Variants in PPFIBP2 observed in about 807,000 individuals in gnomAD.
PPFIBP2 encodes liprin-beta-2.
A neutral mutation model predicts 118.3 loss-of-function variants in PPFIBP2; 118 were observed. The observed-to-expected ratio is 1.00, with a 90% CI of 0.86 to 1.16. The LOEUF (loss-of-function observed/expected upper bound fraction) is 1.16. Among genes scored for constraint, PPFIBP2 ranks in the 50% most tolerant of loss-of-function variants. PPFIBP2 has a pLI of 0.00. For missense variants in PPFIBP2, 1,195 were observed against 1,073.1 expected, an observed-to-expected ratio of 1.11 and a Z score of -1.59; for synonymous variants, 414 against 397.4, an observed-to-expected ratio of 1.04 and a Z score of -0.50.
chr11:7,653,880 C>T, downstream of PPFIBP2: 1 of 987,604 alleles, frequency 1.0e-6, no homozygotes, highest in Non-Finnish European at 1.3e-6. Context: ...CAGCCAGGTG[C>T]ATGCTCAGGA....
rs763077859 is a variant in PPFIBP2, at chr11:7,642,286, T to C, written c.1518-12T>C. 6.2e-7 allele frequency: 1 copy of C among 1,613,738 alleles called. No homozygotes were observed. Among genetic ancestry groups the C allele is most frequent in the Non-Finnish European group, 8.5e-7 (1 of 1,179,868 alleles). ...ATTCCATGACCGTCTCCATGGATTCTTCTCCATGCAGAATCCGAAGAACTC... is the reference window on the plus strand; with the variant it reads ...ATTCCATGACCGTCTCCATGGATTCCTCTCCATGCAGAATCCGAAGAACTC... On this transcript the variant is annotated splice_polypyrimidine_tract_variant and intron_variant, in intron 16 of 23. Coordinates refer to ENST00000299492, the MANE Select transcript of PPFIBP2 (RefSeq NM_003621.5).
At chr11:7,657,735 C>A (rs1000367284), downstream of PPFIBP2, among the ~76,000 whole-genome samples, 1 of 152,204 alleles carries the variant, frequency 6.6e-6, no homozygotes, top group Admixed American at 6.5e-5. Context: ...TCTCAAGGCA[C>A]GGCAAAGAGA....
chr11:7,665,260 G>A, the PPFIBP2 span: 28 of 911,866 alleles, frequency 3.1e-5, no homozygotes, highest in South Asian at 1.1e-4. Context: ...CAGTGTGTGC[G>A]CGAAGGTACA....
Position 7,648,786 on chromosome 11 carries a change from T to C in PPFIBP2, c.1798-14T>C, listed in dbSNP as rs1853530836. Reference sequence around the variant, plus strand: ...GCCAAAATTTCACATGTGGTCTTCATCTTTTAATTTCAGGAGCTAGGAATT... The same window carrying C: ...GCCAAAATTTCACATGTGGTCTTCACCTTTTAATTTCAGGAGCTAGGAATT... On this transcript the variant is annotated splice_polypyrimidine_tract_variant and intron_variant, in intron 18 of 23. Transcript: ENST00000299492. 1.2e-6 allele frequency: 2 copies of C among 1,611,640 alleles called. No homozygotes were observed. Among genetic ancestry groups the C allele is most frequent in the East Asian group, 2.2e-5 (1 of 44,886 alleles).
At chr11:7,629,310 C>T in intron 9 of PPFIBP2, 149 bp from the exon 10 acceptor site, 2 of 728,312 alleles carry the variant, frequency 2.7e-6, no homozygotes, top group Non-Finnish European at 4.7e-6. Flanking sequence ...GAAATCCCAG[C>T]TCTGTGGAAT....
intron 14 of PPFIBP2, among the ~76,000 whole-genome samples, chr11:7,635,809 T>A (rs1216471286): frequency 6.6e-6 from 1 of 152,232 alleles, no homozygotes; most frequent in Non-Finnish European, 1.5e-5. Flanking sequence ...CAGGATTTAT[T>A]ATTATCACCT....
rs1853521477 is a variant in PPFIBP2, at chr11:7,648,741, C to T, written c.1798-59C>T. On this transcript the variant is annotated intron_variant, in intron 18 of 23. Coordinates refer to ENST00000299492, the MANE Select transcript of PPFIBP2 (RefSeq NM_003621.5). Reference sequence around the variant, plus strand: ...AGCATCTCCACCCAGACACAGCTTTCTCTGAGGGCCAAATTGCCTGCCAAA... The same window carrying T: ...AGCATCTCCACCCAGACACAGCTTTTTCTGAGGGCCAAATTGCCTGCCAAA... 5 of 1,546,142 alleles carry T rather than the reference C, an allele frequency of 3.2e-6. No homozygotes were observed. The South Asian group carries it at 5.6e-5, about 17-fold the overall frequency.
intron 2 of PPFIBP2, among the ~76,000 whole-genome samples, chr11:7,559,896 C>T (rs1854101568): frequency 6.6e-6 from 1 of 152,126 alleles, no homozygotes; most frequent in Non-Finnish European, 1.5e-5. Flanking sequence ...AAGGTTTTTA[C>T]TGTCTTTCAA....
intron 17 of PPFIBP2, among the ~76,000 whole-genome samples, chr11:7,645,039 A>C (rs1251190368): frequency 7.4e-6 from 1 of 134,954 alleles, no homozygotes; most frequent in Non-Finnish European, 1.6e-5. Context: ...AAAAAAAAAA[A>C]AAAAAAAAAA....
intron 6 of PPFIBP2, among the ~76,000 whole-genome samples, chr11:7,618,375 G>A (rs945687975): frequency 2.6e-5 from 4 of 152,180 alleles, no homozygotes; most frequent in African/African-American, 9.7e-5. Flanking sequence ...GAAGGAAGAG[G>A]ATGTTCCAGA....
chr11:7,662,731 C>T, the PPFIBP2 span, among the ~76,000 whole-genome samples: 1 of 150,966 alleles, frequency 6.6e-6, no homozygotes, highest in Non-Finnish European at 1.5e-5. Flanking sequence ...TGGATAATAT[C>T]CTGCAGAGTG....
chr11:7,639,450 T>C (rs891682280), intron 14 of PPFIBP2, among the ~76,000 whole-genome samples: 8 of 152,216 alleles, frequency 5.3e-5, no homozygotes, highest in Admixed American at 2.0e-4. Flanking sequence ...CAAAGGCCGC[T>C]TTGCAAGACA....
At chr11:7,663,607 CTG>C in the PPFIBP2 span, among the ~76,000 whole-genome samples, 3 of 152,240 alleles carry the variant, frequency 2.0e-5, no homozygotes, top group African/African-American at 7.2e-5. Context: ...TTTTGTTTGT[CTG>C]TTCCCTGCCC....
intron 2 of PPFIBP2, among the ~76,000 whole-genome samples, chr11:7,563,917 G>A (rs1297892210): frequency 6.6e-6 from 1 of 152,166 alleles, no homozygotes; most frequent in Non-Finnish European, 1.5e-5. Context: ...TGTAATCCCA[G>A]CACTTTGGTA....
chr11:7,648,613 T>A, intron 18 of PPFIBP2, 76 bp downstream of exon 18: 1 of 1,576,810 alleles, frequency 6.3e-7, no homozygotes, highest in Non-Finnish European at 8.7e-7. Flanking sequence ...GCCACTCCTG[T>A]CACACATACA....
At chr11:7,570,599 G>T (rs1225139420) in intron 3 of PPFIBP2, among the ~76,000 whole-genome samples, 1 of 152,230 alleles carries the variant, frequency 6.6e-6, no homozygotes, top group Non-Finnish European at 1.5e-5. Context: ...CAGAAGGGCT[G>T]TATGTACTCT....
intron 2 of PPFIBP2, among the ~76,000 whole-genome samples, chr11:7,552,890 T>G (rs1446872075): frequency 6.6e-6 from 1 of 152,338 alleles, no homozygotes; most frequent in Non-Finnish European, 1.5e-5. Context: ...TATACTTCTT[T>G]ATAGCACTTA....
At chr11:7,602,575 T>C (rs1350493461) in intron 5 of PPFIBP2, among the ~76,000 whole-genome samples, 1 of 152,192 alleles carries the variant, frequency 6.6e-6, no homozygotes, top group African/African-American at 2.4e-5. Flanking sequence ...GGTGGTCAAA[T>C]GGAGCATTTT....
At chr11:7,656,017 A>G (rs1442318383), downstream of PPFIBP2, among the ~76,000 whole-genome samples, 2 of 152,148 alleles carry the variant, frequency 1.3e-5, no homozygotes, top group African/African-American at 2.4e-5. Context: ...TGGCCTCGAA[A>G]AGCAGCTTTG....
Sources: allele counts gnomAD v4.1 joint callset (sites outside exome capture counted in the v4.1 genomes callset), GRCh38; gene constraint gnomAD v4.1.1; transcripts MANE v1.5; gene names NCBI Gene and HGNC (gene_info 2026-07-23, HGNC 2026-07-21).